The following CHIC2 variants were observed in gnomAD, a reference collection of about 807,000 sequenced individuals.
The protein encoded by CHIC2 is cysteine rich hydrophobic domain 2.
In CHIC2, 14 loss-of-function variants were observed where a neutral mutation model predicts 25.9. That is an observed-to-expected ratio of 0.54 (90% CI 0.36 to 0.85). The LOEUF (loss-of-function observed/expected upper bound fraction) is 0.85, where lower values mean the gene tolerates loss of function less well. CHIC2 is among the 40% of genes least tolerant of loss of function. The pLI, the probability that CHIC2 is intolerant of heterozygous loss-of-function variation, is 0.01. For missense variants in CHIC2, 146 were observed against 202.0 expected (o/e 0.72, Z 1.68); for synonymous variants, 70 against 72.0 (o/e 0.97, Z 0.14).
At chr4:54,080,332 T>TA in the CHIC2 span, among the ~76,000 whole-genome samples, 142 of 151,944 alleles carry the variant, frequency 9.3e-4, 2 homozygotes, top group Middle Eastern at 3.4e-3. Context: ...AGGTGGAATC[T>TA]AAAAAAATTG....
intron 3 of CHIC2, among the ~76,000 whole-genome samples, chr4:54,042,516 C>G: frequency 6.6e-6 from 1 of 152,092 alleles, no homozygotes; most frequent in East Asian, 1.9e-4. Context: ...GGTATCAAAA[C>G]AAAACCAACA....
At chr4:54,083,468 T>C in the CHIC2 span, among the ~76,000 whole-genome samples, 24 of 152,208 alleles carry the variant, frequency 1.6e-4, no homozygotes, top group Non-Finnish European at 2.8e-4. Context: ...TACAGTCTCA[T>C]CTGAAACAAC....
chr4:54,071,856 T>C, the CHIC2 span, among the ~76,000 whole-genome samples: 1 of 151,986 alleles, frequency 6.6e-6, no homozygotes, highest in African/African-American at 2.4e-5. Flanking sequence ...AATCATATTT[T>C]CCAGATCATT....
At chr4:54,055,557 A>G (rs1048698336) in intron 1 of CHIC2, among the ~76,000 whole-genome samples, 1 of 152,188 alleles carries the variant, frequency 6.6e-6, no homozygotes, top group African/African-American at 2.4e-5. Flanking sequence ...GAGACATTCC[A>G]CCTGTACAAA....
chr4:54,076,184 G>A, the CHIC2 span, among the ~76,000 whole-genome samples: 6 of 152,018 alleles, frequency 3.9e-5, no homozygotes, highest in Non-Finnish European at 7.4e-5. Context: ...AGTTATTTGG[G>A]GGGCTCAGGC....
At chr4:54,038,642 G>T (rs1418059195) in intron 3 of CHIC2, among the ~76,000 whole-genome samples, 1 of 151,952 alleles carries the variant, frequency 6.6e-6, no homozygotes, top group Non-Finnish European at 1.5e-5. Flanking sequence ...ATAAAGAAAG[G>T]TAAAGAAATT....
chr4:54,028,274 C>T (rs1395168836), intron 3 of CHIC2, among the ~76,000 whole-genome samples: 1 of 152,176 alleles, frequency 6.6e-6, no homozygotes, highest in Non-Finnish European at 1.5e-5. Context: ...TAAAACCTCT[C>T]TCTCTGCTGG....
At chr4:54,067,472 G>C (rs1401604178), upstream of CHIC2, among the ~76,000 whole-genome samples, 1 of 151,930 alleles carries the variant, frequency 6.6e-6, no homozygotes, top group Non-Finnish European at 1.5e-5. Context: ...CCTCCGCCCT[G>C]CCAACCTTCC....
the CHIC2 span, among the ~76,000 whole-genome samples, chr4:54,071,711 A>G: frequency 6.6e-6 from 1 of 152,232 alleles, no homozygotes; most frequent in Non-Finnish European, 1.5e-5. Flanking sequence ...ACAATGGCTC[A>G]CGCCTGTAAT....
chr4:54,026,828 C>T (rs898130615), intron 3 of CHIC2, among the ~76,000 whole-genome samples: 1 of 152,170 alleles, frequency 6.6e-6, no homozygotes, highest in Non-Finnish European at 1.5e-5. Flanking sequence ...ATCCACCCTT[C>T]TTCCTTTCAC....
In CHIC2 at chr4:54,048,940, T is replaced by C. The variant is rs1238752911; in HGVS notation, c.330+15A>G. On this transcript the variant is annotated intron_variant, in intron 3 of 5. Transcript: ENST00000263921. ...CCACTTCTAAATTTAAATTAAAATA[T>C]ATAATTCAACTTACTCTTTTACTGA... is the stretch of plus-strand genomic sequence containing the variant. 3 of 1,506,772 alleles carry C rather than the reference T, an allele frequency of 2.0e-6. No homozygotes were observed. The highest frequency in any genetic ancestry group is 1.4e-5 in the African/African-American group (1 of 70,580). The allele number at this position is 1,506,772 out of a possible 1,614,324, so 93.3% of individuals were successfully genotyped here. A position where few individuals can be genotyped will look rare whatever the true frequency, so the allele number is the denominator to read the frequency against.
chr4:54,025,495 G>C (rs959971026), intron 3 of CHIC2, among the ~76,000 whole-genome samples: 3 of 151,728 alleles, frequency 2.0e-5, no homozygotes, highest in African/African-American at 2.4e-5. Flanking sequence ...AAACAGCCTT[G>C]TCGCTCACAC....
At chr4:54,087,018 A>T in the CHIC2 span, 3 of 1,090,106 alleles carry the variant, frequency 2.8e-6, no homozygotes, top group Non-Finnish European at 4.2e-6. Context: ...ACATGCAGAG[A>T]TGAGAGGGGC....
At chr4:54,030,830 G>A (rs1479910135) in intron 3 of CHIC2, among the ~76,000 whole-genome samples, 1 of 150,758 alleles carries the variant, frequency 6.6e-6, no homozygotes, top group East Asian at 2.0e-4. Context: ...ACCGCACCTG[G>A]CCTAAAATGC....
At chr4:54,047,262 C>T (rs537478296) in intron 3 of CHIC2, among the ~76,000 whole-genome samples, 4 of 152,264 alleles carry the variant, frequency 2.6e-5, no homozygotes, top group Middle Eastern at 3.4e-3. Flanking sequence ...GGATCTAGAA[C>T]TTGAAATACC....
At chr4:54,030,584 T>C (rs1046748202) in intron 3 of CHIC2, among the ~76,000 whole-genome samples, 145 of 134,762 alleles carry the variant, frequency 1.1e-3, no homozygotes, top group African/African-American at 3.8e-3. Flanking sequence ...ATATACAATA[T>C]ATAAATGTAT....
rs755515305 is a variant in CHIC2, at chr4:54,048,973, A to G, written c.312T>C (p.Val104=). 3 of 1,574,692 alleles carry G rather than the reference A, an allele frequency of 1.9e-6. No individual in the cohort carries two copies. The highest frequency in any genetic ancestry group is 2.6e-6 in the Non-Finnish European group (3 of 1,159,332). The part of the protein sequence containing the change: ...CCTLGCSMWP[V]ICLSKRTRRS... ...AACTTACTCTTTTACTGAGGCAAAT[A>G]ACTGGCCACATACTGCAACCTAATG... is the stretch of plus-strand genomic sequence containing the variant. The change falls in exon 3 of 6, where the codon GTT becomes GTC. Residue 104 remains valine, a synonymous_variant. Transcript: ENST00000263921.
chr4:54,047,671 G>C (rs1315565283), intron 3 of CHIC2, among the ~76,000 whole-genome samples: 2 of 118,088 alleles, frequency 1.7e-5, no homozygotes, highest in African/African-American at 3.1e-5. Context: ...AGGGGGGAGG[G>C]ATAGCATTAG....
chr4:54,061,519 TA>T (rs1289748923), intron 1 of CHIC2, among the ~76,000 whole-genome samples: 21 of 145,446 alleles, frequency 1.4e-4, no homozygotes, highest in East Asian at 2.0e-4. Flanking sequence ...CAGCACCTAA[TA>T]AAAAAAAAAG....
Sources: allele counts gnomAD v4.1 joint callset (sites outside exome capture counted in the v4.1 genomes callset), GRCh38; gene constraint gnomAD v4.1.1; transcripts MANE v1.5; gene names NCBI Gene and HGNC (gene_info 2026-07-23, HGNC 2026-07-21).